Variants in ARPP21 observed in about 807,000 individuals in gnomAD.
ARPP21 encodes cAMP regulated phosphoprotein 21, also known as cAMP-regulated phosphoprotein 21.
In ARPP21, 69 loss-of-function variants were observed where a neutral mutation model predicts 113.2. That is an observed-to-expected ratio of 0.61 (90% CI 0.50 to 0.74). The LOEUF (loss-of-function observed/expected upper bound fraction) is 0.74, where lower values mean the gene tolerates loss of function less well. Among genes scored for constraint, ARPP21 ranks in the 30% least tolerant of loss-of-function variants. The probability of loss-of-function intolerance (pLI) is 0.00; values close to 1 mark genes in which losing one functional copy is unlikely to be tolerated. For missense variants in ARPP21, 1,070 were observed against 1,037.4 expected (o/e 1.03, Z -0.43); for synonymous variants, 368 against 375.5 (o/e 0.98, Z 0.23).
intron 1 of ARPP21, among the ~76,000 whole-genome samples, chr3:35,672,272 TAGG>T (rs10533694): frequency 0.1 from 15,742 of 152,008 alleles, 852 homozygotes; most frequent in Non-Finnish European, 0.12. Flanking sequence ...TTCTGGACAG[TAGG>T]AGATCAATAA....
intron 19 of ARPP21, among the ~76,000 whole-genome samples, chr3:35,778,396 G>A (rs1428050596): frequency 6.6e-6 from 1 of 152,100 alleles, no homozygotes. Flanking sequence ...GAGGGAGAGA[G>A]AGCAGGCAGA....
chr3:35,752,289 A>C (rs1291942625), intron 19 of ARPP21, among the ~76,000 whole-genome samples: 6 of 152,048 alleles, frequency 3.9e-5, no homozygotes, highest in African/African-American at 1.2e-4. Flanking sequence ...TTTTGGATCT[A>C]GATGCCATTG....
chr3:35,764,892 A>G (rs2095905666), intron 19 of ARPP21, among the ~76,000 whole-genome samples: 1 of 152,088 alleles, frequency 6.6e-6, no homozygotes, highest in Non-Finnish European at 1.5e-5. Context: ...TGAGTGTGGC[A>G]AGCAGTTTAA....
intron 11 of ARPP21, among the ~76,000 whole-genome samples, chr3:35,713,802 CTTAA>C (rs2091860472): frequency 6.6e-6 from 1 of 152,146 alleles, no homozygotes; most frequent in Non-Finnish European, 1.5e-5. Context: ...TCACTATGTC[CTTAA>C]TTAATTCCTT....
At chr3:35,788,607 G>A (rs2096679958) in intron 19 of ARPP21, among the ~76,000 whole-genome samples, 1 of 152,134 alleles carries the variant, frequency 6.6e-6, no homozygotes. Flanking sequence ...TGCAGAAATA[G>A]AGATTACTAT....
intron 5 of ARPP21, chr3:35,684,150 C>T: frequency 1.4e-6 from 2 of 1,422,382 alleles, no homozygotes; most frequent in Non-Finnish European, 1.8e-6. Context: ...AAATATAATC[C>T]CAAGTATCCT....
intron 10 of ARPP21, among the ~76,000 whole-genome samples, chr3:35,708,508 A>G (rs1161794338): frequency 1.3e-5 from 2 of 152,204 alleles, no homozygotes; most frequent in Non-Finnish European, 2.9e-5. Flanking sequence ...TTCTTTGCTC[A>G]CTTGCTTTTT....
chr3:35,730,160 G>T (rs9311105), intron 15 of ARPP21, among the ~76,000 whole-genome samples: 1 of 152,030 alleles, frequency 6.6e-6, no homozygotes, highest in Admixed American at 6.6e-5. Context: ...TTATGATTAC[G>T]GTTTCTTCTG....
At chr3:35,723,749 T>A (rs1347885041) in intron 14 of ARPP21, among the ~76,000 whole-genome samples, 1 of 152,214 alleles carries the variant, frequency 6.6e-6, no homozygotes, top group Non-Finnish European at 1.5e-5. Flanking sequence ...TTCAAAAATG[T>A]TAAAATGCCA....
Position 35,708,962 on chromosome 3 carries a change from T to C in ARPP21, c.796-7T>C, listed in dbSNP as rs2090169795. The C allele has an allele frequency of 6.2e-7, 1 of 1,607,636 alleles. No individual in the cohort carries two copies. Among genetic ancestry groups the C allele is most frequent in the African/African-American group, 1.3e-5 (1 of 74,790 alleles). On this transcript the variant is annotated splice_region_variant and splice_polypyrimidine_tract_variant and intron_variant, in intron 10 of 20. Coordinates refer to ENST00000684406, the MANE Select transcript of ARPP21 (RefSeq NM_001385562.1). Reference sequence around the variant, plus strand: ...GATAACCCTCCTGATTTCTTTTTTCTGTTCAGCAAAACAGAATGCATCCAT... The same window carrying C: ...GATAACCCTCCTGATTTCTTTTTTCCGTTCAGCAAAACAGAATGCATCCAT...
chr3:35,744,640 T>G, intron 19 of ARPP21: 2 of 375,726 alleles, frequency 5.3e-6, no homozygotes, highest in Non-Finnish European at 1.1e-5. Context: ...GAGAGGTTTG[T>G]GTCATTCCTG....
chr3:35,650,518 C>T (rs180970902), intron 1 of ARPP21: 1 of 152,088 alleles, frequency 6.6e-6, no homozygotes, highest in East Asian at 1.9e-4. Context: ...TTAATTCCAA[C>T]AAATTAGAAA....
intron 1 of ARPP21, among the ~76,000 whole-genome samples, chr3:35,647,644 C>T (rs1700743708): frequency 6.6e-6 from 1 of 152,188 alleles, no homozygotes; most frequent in South Asian, 2.1e-4. Context: ...GACTTACCTT[C>T]ATAAATATGC....
At chr3:35,784,313 A>T (rs2096586285) in intron 19 of ARPP21, among the ~76,000 whole-genome samples, 1 of 152,226 alleles carries the variant, frequency 6.6e-6, no homozygotes, top group Admixed American at 6.5e-5. Flanking sequence ...CAAATGTTTA[A>T]AAACCAGGAA....
At chr3:35,791,119 T>A (rs1039088671) in intron 19 of ARPP21, among the ~76,000 whole-genome samples, 3 of 152,222 alleles carry the variant, frequency 2.0e-5, no homozygotes, top group Non-Finnish European at 4.4e-5. Context: ...GAAGATACAT[T>A]TTGTATATCC....
chr3:35,682,022 A>C (rs2079054063), intron 3 of ARPP21, 142 bp downstream of exon 3: 1 of 1,077,830 alleles, frequency 9.3e-7, no homozygotes, highest in Admixed American at 2.9e-5. Context: ...TACTTTTTCA[A>C]TTTTTGTCAC....
At chr3:35,730,827 T>G (rs1441585517) in intron 15 of ARPP21, among the ~76,000 whole-genome samples, 1 of 152,224 alleles carries the variant, frequency 6.6e-6, no homozygotes, top group Non-Finnish European at 1.5e-5. Context: ...TATGGCACAT[T>G]CCCAAGTCAT....
chr3:35,681,650 ATC>A, intron 2 of ARPP21, 62 bp from the exon 3 acceptor site: 1 of 807,494 alleles, frequency 1.2e-6, no homozygotes, highest in Non-Finnish European at 1.9e-6. Context: ...GAGAAATGAA[ATC>A]TCTAAAGAAT....
At chr3:35,745,620 A>G (rs1304410981) in intron 19 of ARPP21, among the ~76,000 whole-genome samples, 1 of 152,248 alleles carries the variant, frequency 6.6e-6, no homozygotes, top group African/African-American at 2.4e-5. Context: ...AGAAAGTTAG[A>G]TGAATATGAT....
Sources: gnomAD v4.1 joint callset for allele counts (sites outside exome capture counted in the v4.1 genomes callset) on GRCh38, gnomAD v4.1.1 for gene constraint, MANE v1.5 for transcripts, NCBI Gene and HGNC (gene_info 2026-07-23, HGNC 2026-07-21) for gene names.